Variants in DBF4B observed in about 807,000 individuals in gnomAD.
DBF4B encodes protein DBF4 homolog B.
In DBF4B, 49 loss-of-function variants were observed where a neutral mutation model predicts 53.4. That is an observed-to-expected ratio of 0.92 (90% CI 0.73 to 1.16). DBF4B has a LOEUF of 1.16. Ranked by LOEUF, DBF4B falls within the 50% of genes most tolerant of loss-of-function variation. The pLI is 0.00. For synonymous variants in DBF4B, 257 were observed against 288.7 expected (o/e 0.89, Z 1.11); for missense variants, 692 against 775.0 (o/e 0.89, Z 1.27).
intron 2 of DBF4B, among the ~76,000 whole-genome samples, chr17:44,709,948 C>A (rs967419779): frequency 1.3e-4 from 19 of 151,644 alleles, no homozygotes; most frequent in African/African-American, 2.9e-4. Flanking sequence ...CCAAGGCGGG[C>A]GGATCACGAG....
intron 1 of DBF4B, 79 bp downstream of exon 1, chr17:44,708,918 G>T: frequency 6.5e-7 from 1 of 1,527,834 alleles, no homozygotes; most frequent in South Asian, 1.2e-5. Context: ...TCGTGGAGGG[G>T]GCTTAGGAAG....
At chr17:44,747,566 CCT>C in intron 12 of DBF4B, 51 bp downstream of exon 12, 1 of 1,603,638 alleles carries the variant, frequency 6.2e-7, no homozygotes, top group South Asian at 1.1e-5. Flanking sequence ...CCTCTGTTGC[CCT>C]CTGGGTGGGA....
At chr17:44,712,260 C>A (rs1972948515) in intron 2 of DBF4B, among the ~76,000 whole-genome samples, 1 of 150,028 alleles carries the variant, frequency 6.7e-6, no homozygotes, top group Non-Finnish European at 1.5e-5. Context: ...TAATAATATG[C>A]TCATACTGTT....
intron 3 of DBF4B, among the ~76,000 whole-genome samples, chr17:44,727,910 G>C (rs540378653): frequency 7.5e-6 from 1 of 132,844 alleles, no homozygotes; most frequent in Non-Finnish European, 1.5e-5. Flanking sequence ...TGAAGACGAA[G>C]TTTCACCATG....
chr17:44,710,709 G>A (rs921842491), intron 2 of DBF4B, among the ~76,000 whole-genome samples: 2 of 151,764 alleles, frequency 1.3e-5, no homozygotes, highest in African/African-American at 4.8e-5. Context: ...GGGACTGCAG[G>A]CACTCAACAC....
At chr17:44,733,583 G>C (rs1975052229) in intron 6 of DBF4B, 1 of 154,144 alleles carries the variant, frequency 6.5e-6, no homozygotes, top group Non-Finnish European at 1.4e-5. Flanking sequence ...GATCTTCCAG[G>C]GGAGTCTAGA....
intron 2 of DBF4B, among the ~76,000 whole-genome samples, chr17:44,714,640 AG>A (rs1405158333): frequency 7.2e-5 from 11 of 151,940 alleles, no homozygotes; most frequent in African/African-American, 2.7e-4. Flanking sequence ...TCTTCTTTAT[AG>A]ACCTGTTGAG....
chr17:44,744,667 C>T (rs1049500837), intron 10 of DBF4B, among the ~76,000 whole-genome samples: 2 of 152,074 alleles, frequency 1.3e-5, no homozygotes, highest in Admixed American at 6.6e-5. Context: ...TTTCATGGAG[C>T]GGATACCAAC....
At chr17:44,742,516 G>C (rs529620909) in intron 10 of DBF4B, among the ~76,000 whole-genome samples, 4 of 152,190 alleles carry the variant, frequency 2.6e-5, no homozygotes, top group East Asian at 3.9e-4. Context: ...AGGAGTTCAA[G>C]GTTGCAGTAA....
At chr17:44,736,743 G>T in intron 7 of DBF4B, 87 bp from the exon 8 acceptor site, 2 of 1,467,872 alleles carry the variant, frequency 1.4e-6, no homozygotes, top group South Asian at 2.3e-5. Flanking sequence ...AAGTGGGACA[G>T]ACTGGCAGCC....
intron 7 of DBF4B, among the ~76,000 whole-genome samples, chr17:44,734,689 A>G (rs532739019): frequency 7.2e-5 from 11 of 152,248 alleles, no homozygotes; most frequent in African/African-American, 2.6e-4. Flanking sequence ...CCAAGCCTCA[A>G]TCTGAGGAAG....
intron 2 of DBF4B, among the ~76,000 whole-genome samples, chr17:44,716,990 A>G (rs1973389711): frequency 1.3e-5 from 2 of 151,898 alleles, no homozygotes; most frequent in African/African-American, 2.4e-5. Context: ...TTCTTTATCT[A>G]TTTTTATTCT....
intron 7 of DBF4B, among the ~76,000 whole-genome samples, chr17:44,735,466 A>G (rs952611581): frequency 4.6e-5 from 7 of 152,168 alleles, no homozygotes; most frequent in Admixed American, 1.3e-4. Flanking sequence ...TGAGGTCGGG[A>G]GTTTGAGACC....
intron 3 of DBF4B, among the ~76,000 whole-genome samples, chr17:44,727,117 A>C (rs1336715143): frequency 6.7e-6 from 1 of 149,254 alleles, no homozygotes; most frequent in Non-Finnish European, 1.5e-5. Context: ...AAAAAAAAAA[A>C]AAAAACCATA....
chr17:44,752,082 G>A lies in DBF4B; in HGVS notation c.*829G>A, dbSNP rs771900343. 159 of 1,248,680 alleles carry A rather than the reference G, an allele frequency of 1.3e-4. No homozygotes were observed. In the Middle Eastern group the frequency reaches 1.3e-3, roughly 10 times the overall value. The allele number at this position is 1,248,680 out of a possible 1,614,324, so 77.4% of individuals were successfully genotyped here. A position where few individuals can be genotyped will look rare whatever the true frequency, so the allele number is the denominator to read the frequency against. On this transcript the variant is annotated 3_prime_UTR_variant, in exon 14 of 14. Transcript: ENST00000315005. ...CTTTCACTTCTCGGCAGATGTGACCGATTGGTAGCTCCACCCCAACTCCCT... is the reference window on the plus strand; with the variant it reads ...CTTTCACTTCTCGGCAGATGTGACCAATTGGTAGCTCCACCCCAACTCCCT...
chr17:44,735,667 C>CA (rs929672719), intron 7 of DBF4B, among the ~76,000 whole-genome samples: 1 of 150,200 alleles, frequency 6.7e-6, no homozygotes, highest in East Asian at 1.9e-4. Context: ...GACTCTGTCT[C>CA]AAAAAAAAGA....
At chr17:44,725,719 C>G (rs886247547) in intron 3 of DBF4B, among the ~76,000 whole-genome samples, 3 of 88,532 alleles carry the variant, frequency 3.4e-5, no homozygotes, top group Admixed American at 2.0e-4. Flanking sequence ...GGGGGCCACA[C>G]TCAGTCACAG....
chr17:44,711,606 G>A (rs1388559912), intron 2 of DBF4B, among the ~76,000 whole-genome samples: 1 of 152,008 alleles, frequency 6.6e-6, no homozygotes, highest in African/African-American at 2.4e-5. Context: ...GAGATCAGGA[G>A]TTCAAGACCA....
intron 2 of DBF4B, among the ~76,000 whole-genome samples, chr17:44,721,973 A>G (rs1973890218): frequency 6.6e-6 from 1 of 151,616 alleles, no homozygotes; most frequent in South Asian, 2.1e-4. Context: ...TGACTCTACT[A>G]AAAATACAAA....
Sources: gnomAD v4.1 joint callset for allele counts (sites outside exome capture counted in the v4.1 genomes callset) on GRCh38, gnomAD v4.1.1 for gene constraint, MANE v1.5 for transcripts, NCBI Gene and HGNC (gene_info 2026-07-23, HGNC 2026-07-21) for gene names.